CDH9: variants seen among roughly 807,000 people sequenced by gnomAD.
The protein encoded by CDH9 is cadherin-9.
Under a neutral mutation model 70.9 loss-of-function variants are expected in CDH9, and 28 were observed. The ratio of observed to expected loss-of-function variants is 0.40; its 90% confidence interval spans 0.29 to 0.54. The LOEUF is 0.54. Ranked by LOEUF, CDH9 falls within the 20% of genes least tolerant of loss-of-function variation. The pLI is 0.59. For synonymous variants in CDH9, 409 were observed against 343.1 expected (o/e 1.19, Z -2.12); for missense variants, 874 against 984.4 (o/e 0.89, Z 1.50).
chr5:26,885,928 A>G, intron 10 of CDH9, 38 bp downstream of exon 10: 1 of 1,591,448 alleles, frequency 6.3e-7, no homozygotes, highest in Non-Finnish European at 8.5e-7. Flanking sequence ...GTGTATCTTA[A>G]AGTTTCATAA....
At chr5:27,035,171 G>GTATATATATATATATATA (rs35693444) in intron 1 of CDH9, among the ~76,000 whole-genome samples, 20 of 143,272 alleles carry the variant, frequency 1.4e-4, no homozygotes, top group African/African-American at 4.8e-4. Flanking sequence ...TATTGCATAT[G>GTATATATATATATATATA]TATATATATA....
chr5:26,957,373 T>C (rs1258794872), intron 2 of CDH9, among the ~76,000 whole-genome samples: 2 of 152,038 alleles, frequency 1.3e-5, no homozygotes, highest in Non-Finnish European at 2.9e-5. Context: ...TATTGAAAAT[T>C]ATCTTTGGCA....
intron 2 of CDH9, among the ~76,000 whole-genome samples, chr5:26,921,643 C>T (rs138595323): frequency 2.6e-5 from 4 of 152,256 alleles, no homozygotes; most frequent in South Asian, 2.1e-4. Flanking sequence ...CATTCACTTT[C>T]GACAGCCTGC....
At chr5:26,944,536 C>T (rs1210241143) in intron 2 of CDH9, among the ~76,000 whole-genome samples, 2 of 152,114 alleles carry the variant, frequency 1.3e-5, no homozygotes, top group East Asian at 3.9e-4. Context: ...GCCTGTAGTT[C>T]CAGCTACTCA....
intron 2 of CDH9, among the ~76,000 whole-genome samples, chr5:26,956,974 T>G (rs1313074829): frequency 6.7e-6 from 1 of 150,290 alleles, no homozygotes; most frequent in East Asian, 2.0e-4. Context: ...GTCATTAGCA[T>G]ATTGCAATGC....
chr5:26,935,530 A>C (rs1239988277), intron 2 of CDH9, among the ~76,000 whole-genome samples: 3 of 152,210 alleles, frequency 2.0e-5, no homozygotes. Flanking sequence ...TAATCAGTGA[A>C]ATGCAAATTA....
chr5:26,985,389 G>A (rs1428648), intron 2 of CDH9, among the ~76,000 whole-genome samples: 69,598 of 151,356 alleles, frequency 0.46, 16,715 homozygotes, highest in Non-Finnish European at 0.5. Context: ...AATTTAAACA[G>A]CTTCTAAATT....
At chr5:27,034,276 T>C (rs1743355121) in intron 1 of CDH9, among the ~76,000 whole-genome samples, 1 of 151,716 alleles carries the variant, frequency 6.6e-6, no homozygotes, top group Admixed American at 6.6e-5. Context: ...CTCTTCAGAA[T>C]TGTAAAGTCG....
At chr5:27,018,500 T>C (rs1743084084) in intron 1 of CDH9, among the ~76,000 whole-genome samples, 1 of 151,900 alleles carries the variant, frequency 6.6e-6, no homozygotes, top group Admixed American at 6.6e-5. Context: ...TTTATGGAAA[T>C]CTTTCTGTTC....
intron 1 of CDH9, among the ~76,000 whole-genome samples, chr5:27,027,070 C>T (rs757194248): frequency 2.6e-5 from 4 of 151,808 alleles, no homozygotes; most frequent in Non-Finnish European, 5.9e-5. Context: ...GATATGAGAG[C>T]CTATGAAATT....
At chr5:26,936,256 A>T (rs1051278426) in intron 2 of CDH9, among the ~76,000 whole-genome samples, 6 of 152,154 alleles carry the variant, frequency 3.9e-5, no homozygotes, top group South Asian at 2.1e-4. Context: ...AAAAATTTTT[A>T]AAATATACAA....
At chr5:26,994,662 T>G (rs1204412232) in intron 1 of CDH9, among the ~76,000 whole-genome samples, 2 of 152,142 alleles carry the variant, frequency 1.3e-5, no homozygotes, top group African/African-American at 2.4e-5. Flanking sequence ...GACCTGCTGG[T>G]GCATTCATTT....
At chr5:26,890,792 A>G in intron 7 of CDH9, 1 of 413,194 alleles carries the variant, frequency 2.4e-6, no homozygotes, top group Non-Finnish European at 4.4e-6. Context: ...ACTGTTATTT[A>G]TACACATGAA....
intron 2 of CDH9, among the ~76,000 whole-genome samples, chr5:26,936,820 T>C (rs1172486530): frequency 6.6e-6 from 1 of 151,814 alleles, no homozygotes; most frequent in Non-Finnish European, 1.5e-5. Flanking sequence ...GGCATCTGCA[T>C]TGAAAAATTA....
intron 1 of CDH9, among the ~76,000 whole-genome samples, chr5:27,004,885 A>G (rs1402854800): frequency 1.3e-5 from 2 of 152,112 alleles, no homozygotes; most frequent in Non-Finnish European, 2.9e-5. Flanking sequence ...ATTTATCAGT[A>G]TATTACATAG....
intron 2 of CDH9, among the ~76,000 whole-genome samples, chr5:26,973,015 T>A (rs562540012): frequency 1.4e-3 from 220 of 152,154 alleles, no homozygotes; most frequent in African/African-American, 5.0e-3. Flanking sequence ...AAGCGTGTGC[T>A]ACCACACTCG....
intron 2 of CDH9, among the ~76,000 whole-genome samples, chr5:26,974,386 A>G (rs1301265659): frequency 1.3e-5 from 2 of 152,080 alleles, no homozygotes; most frequent in East Asian, 3.9e-4. Flanking sequence ...AAGCAGTTCT[A>G]TAGGTTTGAA....
At chr5:27,001,921 G>T (rs1371929539) in intron 1 of CDH9, among the ~76,000 whole-genome samples, 1 of 150,840 alleles carries the variant, frequency 6.6e-6, no homozygotes, top group Non-Finnish European at 1.5e-5. Context: ...AAAGGGAAAG[G>T]TTGGAACAAT....
intron 2 of CDH9, among the ~76,000 whole-genome samples, chr5:26,918,567 G>T (rs565747498): frequency 3.9e-5 from 6 of 152,154 alleles, no homozygotes; most frequent in Non-Finnish European, 8.8e-5. Context: ...TTTAACATAA[G>T]TTGAATGGAT....
Sources: allele counts gnomAD v4.1 joint callset (sites outside exome capture counted in the v4.1 genomes callset), GRCh38; gene constraint gnomAD v4.1.1; transcripts MANE v1.5; gene names NCBI Gene and HGNC (gene_info 2026-07-23, HGNC 2026-07-21).